The following DHRS7B variants were observed in gnomAD, a reference collection of about 807,000 sequenced individuals.
DHRS7B encodes the protein peroxisomal reductase activating PPAR-gamma.
In DHRS7B, 24 loss-of-function variants were observed where a neutral mutation model predicts 26.4. The ratio of observed to expected loss-of-function variants is 0.91; its 90% CI spans 0.66 to 1.28. DHRS7B has a LOEUF of 1.28. Among genes scored for constraint, DHRS7B ranks in the 50% most tolerant of loss-of-function variants. The probability of loss-of-function intolerance (pLI) is 0.00; values close to 1 mark genes in which losing one functional copy is unlikely to be tolerated. For missense variants in DHRS7B, 368 were observed against 419.4 expected (o/e 0.88, Z 1.07); for synonymous variants, 142 against 166.4 (o/e 0.85, Z 1.13).
At chr17:21,165,933 A>AC (rs1974102542) in intron 1 of DHRS7B, among the ~76,000 whole-genome samples, 1 of 151,352 alleles carries the variant, frequency 6.6e-6, no homozygotes, top group Non-Finnish European at 1.5e-5. Flanking sequence ...AAAAAAAAAA[A>AC]ACCACATTAA....
chr17:21,160,135 C>T (rs1388080959), intron 1 of DHRS7B, among the ~76,000 whole-genome samples: 1 of 151,958 alleles, frequency 6.6e-6, no homozygotes, highest in African/African-American at 2.4e-5. Context: ...GTGGGTAGAT[C>T]ACAATGTCAT....
chr17:21,159,009 A>C (rs1973938894), intron 1 of DHRS7B, among the ~76,000 whole-genome samples: 1 of 152,158 alleles, frequency 6.6e-6, no homozygotes, highest in African/African-American at 2.4e-5. Context: ...TCAAAAGTTA[A>C]CTCAAAATGG....
Position 21,140,538 on chromosome 17 carries a change from A to ACACACACACACACACACC in DHRS7B, c.20+13548_20+13549insACACACACACACACACCC, listed in dbSNP as rs972677956. Among the ~76,000 whole-genome samples the ACACACACACACACACACC allele has an allele frequency of 2.6e-3, 357 of 134,800 alleles. 9 individuals are homozygous for ACACACACACACACACACC. The highest frequency in any genetic ancestry group is 4.9e-3 in the African/African-American group (173 of 35,588). The allele number at this position is 134,800 out of a possible 152,430, so 88.4% of individuals were successfully genotyped here. On this transcript the variant is annotated intron_variant, in intron 1 of 6. Coordinates refer to ENST00000395511, the MANE Select transcript of DHRS7B (RefSeq NM_015510.5). ...CACACACACACACACACACACACACACCCTGACACCCTATAGCTTTTACTT... is the reference window on the plus strand; with the variant it reads ...CACACACACACACACACACACACACACACACACACACACACACCCCCTGACACCCTATAGCTTTTACTT...
At chr17:21,140,019 A>ATGCTTTTT (rs1973455494) in intron 1 of DHRS7B, among the ~76,000 whole-genome samples, 1 of 60,384 alleles carries the variant, frequency 1.7e-5, no homozygotes, top group African/African-American at 6.5e-5. Flanking sequence ...AGACTTTCAG[A>ATGCTTTTT]TTCTTTTTTT....
intron 1 of DHRS7B, chr17:21,166,081 C>T: frequency 1.1e-6 from 1 of 892,834 alleles, no homozygotes; most frequent in Non-Finnish European, 1.3e-6. Context: ...CACTCCTGTG[C>T]CATCATATTA....
intron 5 of DHRS7B, among the ~76,000 whole-genome samples, chr17:21,188,295 C>T (rs897107477): frequency 6.6e-6 from 1 of 151,804 alleles, no homozygotes; most frequent in South Asian, 2.1e-4. Flanking sequence ...GCATATATAC[C>T]GTTTATAATA....
chr17:21,163,918 A>G (rs1280721219), intron 1 of DHRS7B, among the ~76,000 whole-genome samples: 6 of 151,518 alleles, frequency 4.0e-5, no homozygotes, highest in African/African-American at 1.5e-4. Context: ...CAAGCTCCTG[A>G]GCTCAAGTGA....
At chr17:21,129,728 A>G (rs2143838785) in intron 1 of DHRS7B, among the ~76,000 whole-genome samples, 1 of 150,608 alleles carries the variant, frequency 6.6e-6, no homozygotes, top group Non-Finnish European at 1.5e-5. Context: ...AAAAAAAGAA[A>G]AAGAAAAAAA....
At chr17:21,150,680 C>T (rs1331848060) in intron 1 of DHRS7B, among the ~76,000 whole-genome samples, 5 of 152,140 alleles carry the variant, frequency 3.3e-5, no homozygotes, top group Admixed American at 2.0e-4. Flanking sequence ...GAGTCTGTGA[C>T]AGACATGCCG....
chr17:21,180,241 A>T (rs1298470132), intron 3 of DHRS7B, among the ~76,000 whole-genome samples: 1 of 151,516 alleles, frequency 6.6e-6, no homozygotes, highest in African/African-American at 2.4e-5. Context: ...CACCTAGCTA[A>T]TTTTTGTATT....
At chr17:21,136,226 C>G (rs1425591977) in intron 1 of DHRS7B, among the ~76,000 whole-genome samples, 1 of 151,104 alleles carries the variant, frequency 6.6e-6, no homozygotes, top group East Asian at 2.0e-4. Context: ...CACTTGAACC[C>G]AGGAGGTGGA....
chr17:21,132,605 T>G (rs1191657441), intron 1 of DHRS7B, among the ~76,000 whole-genome samples: 1 of 150,700 alleles, frequency 6.6e-6, no homozygotes, highest in African/African-American at 2.4e-5. Context: ...TGCAGCCTAG[T>G]GTTTGCCTTA....
At chr17:21,132,439 G>C (rs1033275951) in intron 1 of DHRS7B, among the ~76,000 whole-genome samples, 3 of 149,516 alleles carry the variant, frequency 2.0e-5, no homozygotes, top group Non-Finnish European at 4.4e-5. Context: ...ACTGAGGTGG[G>C]AGGATCGCTT....
chr17:21,140,536 A>C (rs934876407), intron 1 of DHRS7B, among the ~76,000 whole-genome samples: 7 of 144,714 alleles, frequency 4.8e-5, no homozygotes, highest in Non-Finnish European at 3.1e-5. Flanking sequence ...ACACACACAC[A>C]CACCCTGACA....
intron 1 of DHRS7B, among the ~76,000 whole-genome samples, chr17:21,150,113 A>AC (rs1567619722): frequency 1.5e-5 from 1 of 66,402 alleles, no homozygotes; most frequent in Non-Finnish European, 3.8e-5. Flanking sequence ...TTTAAAAAAA[A>AC]AAAAAAAAAA....
chr17:21,187,094 G>GATATATATATATATATATAT lies in DHRS7B; in HGVS notation c.620-1598_620-1597insTATATATATATATATATATA, dbSNP rs147554727. On this transcript the variant is annotated intron_variant, in intron 5 of 6. Coordinates refer to ENST00000395511, the MANE Select transcript of DHRS7B (RefSeq NM_015510.5). The stretch of plus-strand genomic sequence containing the variant: ...GTAAGAGTTCATTTCTGTATTAAAA[G>GATATATATATATATATATAT]ATATATATATATATATATAAAATAT... 2.8e-3 allele frequency among the ~76,000 whole-genome samples: 397 copies of GATATATATATATATATATAT among 143,020 alleles called. 2 individuals are homozygous for GATATATATATATATATATAT. Among genetic ancestry groups the GATATATATATATATATATAT allele is most frequent in the African/African-American group, 1.0e-2 (379 of 38,006 alleles). The allele number at this position is 143,020 out of a possible 152,430, so 93.8% of individuals were successfully genotyped here.
intron 1 of DHRS7B, among the ~76,000 whole-genome samples, chr17:21,141,734 ACTC>A (rs1896041308): frequency 6.7e-6 from 1 of 149,460 alleles, no homozygotes; most frequent in Non-Finnish European, 1.5e-5. Flanking sequence ...AGCAGGTAAA[ACTC>A]CAAAAAAAAA....
chr17:21,148,468 C>T (rs991740650), intron 1 of DHRS7B, among the ~76,000 whole-genome samples: 2 of 152,052 alleles, frequency 1.3e-5, no homozygotes, highest in African/African-American at 2.4e-5. Flanking sequence ...AATACACGGC[C>T]AGGCACAGTG....
At chr17:21,167,196 G>T (rs1302280039) in intron 1 of DHRS7B, among the ~76,000 whole-genome samples, 1 of 152,104 alleles carries the variant, frequency 6.6e-6, no homozygotes, top group Non-Finnish European at 1.5e-5. Context: ...CCCTTTAAAG[G>T]GTGGATGAGC....
Sources: gnomAD v4.1 joint callset for allele counts (sites outside exome capture counted in the v4.1 genomes callset) on GRCh38, gnomAD v4.1.1 for gene constraint, MANE v1.5 for transcripts, NCBI Gene and HGNC (gene_info 2026-07-23, HGNC 2026-07-21) for gene names.